The following SFMBT1 variants were observed in gnomAD, a reference collection of about 807,000 sequenced individuals.
SFMBT1 encodes scm-like with four MBT domains protein 1.
In SFMBT1, 32 loss-of-function variants were observed where a neutral mutation model predicts 108.7. The ratio of observed to expected loss-of-function variants is 0.29; its 90% confidence interval spans 0.22 to 0.40. The LOEUF is 0.40. Ranked by LOEUF, SFMBT1 falls within the 10% of genes least tolerant of loss-of-function variation. The pLI is 1.00. For missense variants in SFMBT1, 816 were observed against 1,059.6 expected, an observed-to-expected ratio of 0.77 and a Z score of 3.19; for synonymous variants, 348 against 369.5, an observed-to-expected ratio of 0.94 and a Z score of 0.67.
At chr3:52,917,187 C>A (rs1446242127) in intron 13 of SFMBT1, among the ~76,000 whole-genome samples, 4 of 152,102 alleles carry the variant, frequency 2.6e-5, no homozygotes, top group Non-Finnish European at 4.4e-5. Context: ...AGTTTTATTA[C>A]CCACATAGTT....
intron 1 of SFMBT1, among the ~76,000 whole-genome samples, chr3:53,029,265 G>C (rs1699602525): frequency 6.6e-6 from 1 of 151,704 alleles, no homozygotes; most frequent in Admixed American, 6.6e-5. Context: ...ACACTTTTTA[G>C]GAAAATATTT....
intron 4 of SFMBT1, among the ~76,000 whole-genome samples, chr3:52,941,422 C>T (rs146785964): frequency 1.3e-4 from 19 of 151,786 alleles, no homozygotes; most frequent in Admixed American, 1.1e-3. Flanking sequence ...GGCAAAATCC[C>T]GTCTCTACTA....
intron 1 of SFMBT1, among the ~76,000 whole-genome samples, chr3:52,983,058 A>T (rs1162459409): frequency 6.6e-6 from 1 of 152,116 alleles, no homozygotes; most frequent in Admixed American, 6.6e-5. Context: ...TCAGACAGAA[A>T]CTATAATGTT....
intron 1 of SFMBT1, among the ~76,000 whole-genome samples, chr3:52,978,247 C>A (rs1704586348): frequency 6.6e-6 from 1 of 151,770 alleles, no homozygotes; most frequent in Non-Finnish European, 1.5e-5. Context: ...GCATGCCAGG[C>A]AGAGGGAAAA....
intron 4 of SFMBT1, among the ~76,000 whole-genome samples, chr3:52,938,940 G>C (rs777155093): frequency 6.6e-6 from 1 of 152,166 alleles, no homozygotes; most frequent in Non-Finnish European, 1.5e-5. Flanking sequence ...TTACCTGTTC[G>C]TAACAGTTTG....
chr3:52,907,994 GC>G (rs1159099467), intron 17 of SFMBT1, among the ~76,000 whole-genome samples: 1 of 151,490 alleles, frequency 6.6e-6, no homozygotes, highest in Non-Finnish European at 1.5e-5. Flanking sequence ...ACTAGAAGCA[GC>G]CACTATTCTA....
At chr3:52,965,365 AATAAG>A (rs1215457996) in intron 2 of SFMBT1, among the ~76,000 whole-genome samples, 1 of 151,926 alleles carries the variant, frequency 6.6e-6, no homozygotes, top group Non-Finnish European at 1.5e-5. Context: ...CCTGTGGGAC[AATAAG>A]ATAAGCTTAA....
At chr3:52,978,971 G>A (rs935161747) in intron 1 of SFMBT1, among the ~76,000 whole-genome samples, 19 of 152,054 alleles carry the variant, frequency 1.2e-4, no homozygotes, top group African/African-American at 4.1e-4. Flanking sequence ...AATGGATAAC[G>A]ACTACTAATA....
chr3:52,994,631 C>T (rs1373207008), intron 1 of SFMBT1, among the ~76,000 whole-genome samples: 1 of 150,426 alleles, frequency 6.6e-6, no homozygotes, highest in African/African-American at 2.4e-5. Flanking sequence ...TCCCAAGTAG[C>T]TGGGATTACA....
chr3:53,001,095 C>G (rs894472221), intron 1 of SFMBT1, among the ~76,000 whole-genome samples: 1 of 150,038 alleles, frequency 6.7e-6, no homozygotes, highest in African/African-American at 2.4e-5. Flanking sequence ...CAAAAAAGAA[C>G]CACACAAAAT....
chr3:52,954,069 G>C (rs889704253), intron 3 of SFMBT1, among the ~76,000 whole-genome samples: 1 of 151,926 alleles, frequency 6.6e-6, no homozygotes, highest in African/African-American at 2.4e-5. Context: ...AGCTTGCAGT[G>C]AGCCAAGATC....
intron 1 of SFMBT1, among the ~76,000 whole-genome samples, chr3:52,975,598 A>G (rs904637051): frequency 6.6e-6 from 1 of 152,120 alleles, no homozygotes; most frequent in African/African-American, 2.4e-5. Flanking sequence ...CAGGAAGCTG[A>G]GAATTTTTTT....
intron 1 of SFMBT1, among the ~76,000 whole-genome samples, chr3:52,986,143 A>AG (rs1186207304): frequency 4.8e-5 from 2 of 41,378 alleles, no homozygotes; most frequent in South Asian, 1.5e-3. Context: ...ACTCCGTCTC[A>AG]GGAAAAAAAA....
At chr3:52,934,936 T>C (rs749208217) in intron 4 of SFMBT1, 35 bp from the exon 5 acceptor site, 2 of 1,570,726 alleles carry the variant, frequency 1.3e-6, no homozygotes, top group Non-Finnish European at 8.7e-7. Flanking sequence ...TTACTCAAAA[T>C]GCCAGCCACA....
intron 1 of SFMBT1, among the ~76,000 whole-genome samples, chr3:52,988,626 A>G (rs185409048): frequency 6.6e-6 from 1 of 152,346 alleles, no homozygotes; most frequent in East Asian, 1.9e-4. Flanking sequence ...AGAACACAAA[A>G]CAACTCTTCA....
intron 1 of SFMBT1, among the ~76,000 whole-genome samples, chr3:52,971,677 T>TA (rs1191095138): frequency 6.6e-6 from 1 of 151,998 alleles, no homozygotes; most frequent in Non-Finnish European, 1.5e-5. Context: ...AAGCCAACAA[T>TA]AAAAAAATTA....
rs56067925 is a variant in SFMBT1 at position 53,015,215 on chromosome 3, G to GAA, written c.-131+30599_-131+30600dup. On this transcript the variant is annotated intron_variant, in intron 1 of 20. Transcript: ENST00000394752. ...CAGGTGAGAGAGACCCTGTCCCAAG[G>GAA]AAAAAAAAAAAAAATCATTGTATTT... Among the ~76,000 whole-genome samples, 73 of 118,048 alleles carry GAA rather than the reference G, an allele frequency of 6.2e-4. 2 individuals carry two copies. In the South Asian group the frequency reaches 0.018, roughly 29 times the overall value. The allele number at this position is 118,048 out of a possible 152,430, so 77.4% of individuals were successfully genotyped here.
At chr3:52,908,319 G>A (rs1198240178) in intron 17 of SFMBT1, among the ~76,000 whole-genome samples, 3 of 151,846 alleles carry the variant, frequency 2.0e-5, no homozygotes, top group African/African-American at 2.4e-5. Context: ...TGATCTGCCC[G>A]CCTTGGCCTC....
chr3:52,970,671 C>T (rs1704309084), intron 1 of SFMBT1, among the ~76,000 whole-genome samples: 1 of 152,136 alleles, frequency 6.6e-6, no homozygotes, highest in South Asian at 2.1e-4. Context: ...TGATATTCTG[C>T]AGGATCAAGC....
Sources: allele counts gnomAD v4.1 joint callset (sites outside exome capture counted in the v4.1 genomes callset), GRCh38; gene constraint gnomAD v4.1.1; transcripts MANE v1.5; gene names NCBI Gene and HGNC (gene_info 2026-07-23, HGNC 2026-07-21).